HSPA12A: variants seen among roughly 807,000 people sequenced by gnomAD.
HSPA12A encodes heat shock protein family A (Hsp70) member 12A.
HSPA12A carries 28 observed loss-of-function variants against 69.2 expected under a neutral mutation model. That is an observed-to-expected ratio of 0.40 (90% CI 0.30 to 0.55). The LOEUF (loss-of-function observed/expected upper bound fraction) is 0.55. HSPA12A is among the 20% of genes least tolerant of loss of function. HSPA12A has a pLI of 0.38. For missense variants in HSPA12A, 686 were observed against 900.7 expected (o/e 0.76, Z 3.05); for synonymous variants, 345 against 370.5 (o/e 0.93, Z 0.79).
At chr10:116,782,108 G>A (rs1554891865) in intron 2 of HSPA12A, among the ~76,000 whole-genome samples, 1 of 152,018 alleles carries the variant, frequency 6.6e-6, no homozygotes, top group African/African-American at 2.4e-5. Context: ...CCACAAGAAG[G>A]GCAAAGAGAC....
chr10:116,779,637 C>T (rs1423890587), intron 2 of HSPA12A, among the ~76,000 whole-genome samples: 2 of 152,136 alleles, frequency 1.3e-5, no homozygotes, highest in African/African-American at 4.8e-5. Context: ...GCTGCCAGCC[C>T]GCGATGGAAT....
At chr10:116,785,599 C>T (rs148019184) in intron 2 of HSPA12A, among the ~76,000 whole-genome samples, 1,931 of 152,254 alleles carry the variant, frequency 0.013, 29 homozygotes, top group Non-Finnish European at 0.02. Context: ...CAGCTCACTC[C>T]CCAGCCTTGG....
At chr10:116,849,558 T>C in intron 1 of HSPA12A, 5 of 1,529,024 alleles carry the variant, frequency 3.3e-6, no homozygotes, top group Non-Finnish European at 4.4e-6. Context: ...TAGCCTTAAA[T>C]CTCCTACCAT....
chr10:116,737,070 T>C (rs1851339564), intron 1 of HSPA12A, among the ~76,000 whole-genome samples: 1 of 152,170 alleles, frequency 6.6e-6, no homozygotes, highest in South Asian at 2.1e-4. Context: ...ATAAAGGCCA[T>C]ATGAAGAAGA....
rs367644452 is a variant in HSPA12A, at chr10:116,708,479, G to C, written c.41-1194C>G. 9.0e-4 allele frequency among the ~76,000 whole-genome samples: 137 copies of C among 152,300 alleles called. 2 individuals carry two copies. Among genetic ancestry groups the C allele is most frequent in the African/African-American group, 2.9e-3 (122 of 41,538 alleles). ...CTAAATCACTTTGGGTTAATCCCAG[G>C]CTCTTGCTGATTACTTTTTCTACTT... On this transcript the variant is annotated intron_variant, in intron 1 of 11. Transcript: ENST00000369209.
chr10:116,828,083 T>G (rs1845544406), intron 2 of HSPA12A, among the ~76,000 whole-genome samples: 1 of 152,250 alleles, frequency 6.6e-6, no homozygotes, highest in South Asian at 2.1e-4. Context: ...ATTGTTCTTA[T>G]TATGTTGTTA....
At chr10:116,682,540 G>A (rs1187444678) in intron 7 of HSPA12A, among the ~76,000 whole-genome samples, 5 of 152,008 alleles carry the variant, frequency 3.3e-5, no homozygotes, top group African/African-American at 1.2e-4. Flanking sequence ...GCAAACCCCT[G>A]TGCTGCCTTT....
At chr10:116,812,247 G>A (rs1173660577) in intron 2 of HSPA12A, among the ~76,000 whole-genome samples, 3 of 152,102 alleles carry the variant, frequency 2.0e-5, no homozygotes, top group African/African-American at 7.2e-5. Flanking sequence ...GAGGTCAGGA[G>A]TTTGAGACCA....
chr10:116,843,387 C>T (rs1205438931), intron 1 of HSPA12A, among the ~76,000 whole-genome samples: 1 of 152,234 alleles, frequency 6.6e-6, no homozygotes, highest in African/African-American at 2.4e-5. Context: ...TGCTAAAATA[C>T]TACATTTTCC....
In HSPA12A at chr10:116,675,091, G is replaced by A. The variant is rs1849190092; in HGVS notation, c.1718C>T (p.Ser573Phe). ...WCTDVFDKFISADQSVALGEL... is the reference protein window; with the variant it reads ...WCTDVFDKFIFADQSVALGEL... Reference sequence around the variant, plus strand: ...ACCCAGAGCCACAGACTGGTCGGCAGAGATGAACTTGTCAAAGACGTCGGT... The same window carrying A: ...ACCCAGAGCCACAGACTGGTCGGCAAAGATGAACTTGTCAAAGACGTCGGT... Residue 573 changes from serine to phenylalanine, a missense_variant, in exon 12 of 12, where the codon TCT (serine) becomes TTT (phenylalanine). Transcript: ENST00000369209. This position sits in a 1 kb window ranked among gnomAD's most constrained non-coding sequence, Gnocchi z 5.2. 2 of 1,614,010 alleles carry A rather than the reference G, an allele frequency of 1.2e-6. No individual in the cohort carries two copies. Among genetic ancestry groups the A allele is most frequent in the South Asian group, 1.1e-5 (1 of 91,086 alleles).
At chr10:116,694,505 C>T (rs1327016116) in intron 5 of HSPA12A, among the ~76,000 whole-genome samples, 1 of 152,220 alleles carries the variant, frequency 6.6e-6, no homozygotes, top group Admixed American at 6.5e-5. Context: ...CAACCACCCA[C>T]ATGGCCACTT....
upstream of HSPA12A, among the ~76,000 whole-genome samples, chr10:116,744,069 G>A (rs1851591196): frequency 6.6e-6 from 1 of 152,160 alleles, no homozygotes; most frequent in East Asian, 1.9e-4. Context: ...CCTGCCCACA[G>A]CTCCCCCGCC....
rs74161322 is a variant in HSPA12A, at chr10:116,784,870, C to T, written c.91+50065G>A. 2.0e-3 allele frequency among the ~76,000 whole-genome samples: 308 copies of T among 152,290 alleles called. 2 individuals are homozygous for T. The highest frequency in any genetic ancestry group is 7.2e-3 in the African/African-American group (301 of 41,568). On this transcript the variant is annotated intron_variant, in intron 2 of 12. Transcript: ENST00000635765. ...CCTGTAACGCTAACCTCGGAGCTGT[C>T]AGTCTGGGCTGGAGATGCTGAGGGC... is the stretch of plus-strand genomic sequence containing the variant.
intron 1 of HSPA12A, among the ~76,000 whole-genome samples, chr10:116,721,337 T>C (rs1033565920): frequency 2.6e-5 from 4 of 152,060 alleles, no homozygotes; most frequent in East Asian, 1.9e-4. Context: ...AAGGAATCCA[T>C]AGGTCACAGA....
At chr10:116,752,313 G>A (rs1554888449) in intron 2 of HSPA12A, among the ~76,000 whole-genome samples, 1 of 152,226 alleles carries the variant, frequency 6.6e-6, no homozygotes, top group African/African-American at 2.4e-5. Flanking sequence ...TTTCTTTGAA[G>A]TCTAAAGTTT....
intron 2 of HSPA12A, among the ~76,000 whole-genome samples, chr10:116,773,785 C>A (rs1214084329): frequency 6.6e-6 from 1 of 152,208 alleles, no homozygotes; most frequent in Non-Finnish European, 1.5e-5. Context: ...AAACAGCCCA[C>A]AGGGAGCTCA....
At chr10:116,704,854 A>T (rs1318667351) in intron 3 of HSPA12A, among the ~76,000 whole-genome samples, 1 of 152,142 alleles carries the variant, frequency 6.6e-6, no homozygotes, top group Non-Finnish European at 1.5e-5. Flanking sequence ...GACACTACAG[A>T]TCTGCGCCTC....
intron 2 of HSPA12A, among the ~76,000 whole-genome samples, chr10:116,763,954 C>T (rs1228521953): frequency 1.5e-4 from 23 of 151,970 alleles, no homozygotes; most frequent in Admixed American, 1.4e-3. Context: ...ATTGGGGGGG[C>T]GGTCGGCAAT....
rs376301424 is a variant in HSPA12A at position 116,675,099 on chromosome 10, C to A, written c.1710G>T (p.Lys570Asn). The A allele has an allele frequency of 2.5e-6, 4 of 1,613,924 alleles. No homozygotes were observed. The African/African-American group carries it at 5.3e-5, about 22-fold the overall frequency. ...CCACAGACTGGTCGGCAGAGATGAA[C>A]TTGTCAAAGACGTCGGTGCACCACC... Reference protein sequence around the residue: ...GTRWCTDVFDKFISADQSVAL... With the variant: ...GTRWCTDVFDNFISADQSVAL... Residue 570 changes from lysine to asparagine, a missense_variant, in exon 12 of 12, where the codon AAG becomes AAT. Lys to Asn is a moderately conservative substitution (Grantham distance 94). Coordinates refer to ENST00000369209, the MANE Select transcript of HSPA12A (RefSeq NM_025015.3). The surrounding 1 kb of genome is among the most constrained non-coding windows in gnomAD (Gnocchi z 5.2).
Sources: allele counts gnomAD v4.1 joint callset (sites outside exome capture counted in the v4.1 genomes callset), GRCh38; gene constraint gnomAD v4.1.1; non-coding constraint Gnocchi (gnomAD v3.1); transcripts MANE v1.5; gene names NCBI Gene and HGNC (gene_info 2026-07-23, HGNC 2026-07-21).